The following XYLT1 variants were observed in gnomAD, a reference collection of about 807,000 sequenced individuals.
XYLT1 encodes beta-D-xylosyltransferase 1.
A neutral mutation model predicts 91.3 loss-of-function variants in XYLT1; 36 were observed. The observed-to-expected ratio is 0.39, with a 90% CI of 0.30 to 0.52. The LOEUF (loss-of-function observed/expected upper bound fraction) is 0.52. Among genes scored for constraint, XYLT1 ranks in the 20% least tolerant of loss-of-function variants. The probability of loss-of-function intolerance (pLI) is 0.68; values close to 1 mark genes in which losing one functional copy is unlikely to be tolerated. For missense variants in XYLT1, 1,242 were observed against 1,284.5 expected, an observed-to-expected ratio of 0.97 and a Z score of 0.51; for synonymous variants, 588 against 532.0, an observed-to-expected ratio of 1.11 and a Z score of -1.45.
chr16:17,132,035 C>A (rs569686019), intron 9 of XYLT1, among the ~76,000 whole-genome samples: 2 of 152,320 alleles, frequency 1.3e-5, no homozygotes. Flanking sequence ...TAGGGAGCAA[C>A]CTTCAACAAC....
intron 9 of XYLT1, 114 bp from the exon 10 acceptor site, chr16:17,127,975 T>G: frequency 1.1e-6 from 1 of 918,874 alleles, no homozygotes; most frequent in Admixed American, 2.8e-5. Context: ...GCACAATGCC[T>G]ACTGTTTTCC....
chr16:17,330,615 C>T (rs909853787), intron 2 of XYLT1, among the ~76,000 whole-genome samples: 2 of 150,670 alleles, frequency 1.3e-5, no homozygotes, highest in Admixed American at 6.6e-5. Flanking sequence ...GGCAAAACCC[C>T]GTCTCTACTA....
chr16:17,450,362 C>CAAAAA (rs1195577105), intron 1 of XYLT1, among the ~76,000 whole-genome samples: 2,908 of 145,384 alleles, frequency 0.02, 46 homozygotes, highest in Non-Finnish European at 0.028. Context: ...AACAAACAAA[C>CAAAAA]AAAAAAAAAA....
intron 1 of XYLT1, among the ~76,000 whole-genome samples, chr16:17,469,398 T>C (rs1377748960): frequency 6.6e-6 from 1 of 152,174 alleles, no homozygotes; most frequent in Non-Finnish European, 1.5e-5. Context: ...AAGGCAGAAC[T>C]CACGCCCCTG....
intron 2 of XYLT1, among the ~76,000 whole-genome samples, chr16:17,347,737 G>A (rs762243755): frequency 1.4e-4 from 22 of 152,190 alleles, no homozygotes; most frequent in Non-Finnish European, 3.1e-4. Context: ...CCAGCGAGGC[G>A]GGGGCCCGGT....
rs537364724 is a variant in XYLT1, at chr16:17,442,875, T to C, written c.363+27559A>G. On this transcript the variant is annotated intron_variant, in intron 1 of 11. Coordinates refer to ENST00000261381, the MANE Select transcript of XYLT1 (RefSeq NM_022166.4). ...CAAAACTAAACTGAGAGTGGCAATA[T>C]AGGGGATTTGGATTTTCTTCTTCAC... is the stretch of plus-strand genomic sequence containing the variant. Among the ~76,000 whole-genome samples, 26 of 152,240 alleles carry C rather than the reference T, an allele frequency of 1.7e-4. No individual in the cohort carries two copies. In the East Asian group the frequency reaches 4.6e-3, roughly 27 times the overall value.
chr16:17,452,601 T>C (rs375751691), intron 1 of XYLT1, among the ~76,000 whole-genome samples: 4 of 152,212 alleles, frequency 2.6e-5, no homozygotes, highest in Admixed American at 6.5e-5. Flanking sequence ...CTAATCAATA[T>C]ATAATCTGAA....
chr16:17,336,240 C>G (rs1212002218), intron 2 of XYLT1, among the ~76,000 whole-genome samples: 1 of 152,210 alleles, frequency 6.6e-6, no homozygotes. Context: ...ACTTTCAAAG[C>G]AAGGTCTGCA....
rs113429158 is a variant in XYLT1, at chr16:17,158,441, G to C, written c.1370+388C>G. On this transcript the variant is annotated intron_variant, in intron 6 of 11. Transcript: ENST00000261381. ...ACTGGCACACGCCCATGCTTGTTAA[G>C]TATTTGAATGAGTGGCTGACTGAAT... Among the ~76,000 whole-genome samples the C allele has an allele frequency of 2.7e-3, 408 of 152,356 alleles. 5 individuals carry two copies. Among genetic ancestry groups the C allele is most frequent in the African/African-American group, 9.6e-3 (398 of 41,576 alleles).
chr16:17,386,655 T>C (rs1165133561), intron 1 of XYLT1, among the ~76,000 whole-genome samples: 4 of 152,200 alleles, frequency 2.6e-5, no homozygotes, highest in African/African-American at 7.2e-5. Context: ...TGCATGTCAA[T>C]TGCATCCAAG....
chr16:17,244,181 G>A (rs2033396926), intron 3 of XYLT1, among the ~76,000 whole-genome samples: 1 of 152,248 alleles, frequency 6.6e-6, no homozygotes, highest in Admixed American at 6.5e-5. Context: ...TTCTCAAAGT[G>A]TAGTTCTGGA....
chr16:17,416,415 T>C (rs940912642), intron 1 of XYLT1, among the ~76,000 whole-genome samples: 7 of 152,204 alleles, frequency 4.6e-5, no homozygotes, highest in African/African-American at 1.4e-4. Flanking sequence ...CTCAGCAGAC[T>C]GCGAGCTCCC....
At chr16:17,387,303 G>A (rs112789100) in intron 1 of XYLT1, among the ~76,000 whole-genome samples, 1 of 152,174 alleles carries the variant, frequency 6.6e-6, no homozygotes, top group Non-Finnish European at 1.5e-5. Flanking sequence ...AACAACTGTT[G>A]CAGGGTCTCT....
At chr16:17,138,134 T>G in intron 8 of XYLT1, 2 of 449,476 alleles carry the variant, frequency 4.4e-6, no homozygotes. Context: ...GAAAGGTCAT[T>G]TGTTGTTTTT....
intron 1 of XYLT1, among the ~76,000 whole-genome samples, chr16:17,462,138 C>T (rs1471564099): frequency 2.0e-5 from 3 of 152,182 alleles, no homozygotes; most frequent in African/African-American, 7.2e-5. Context: ...ATGCCTCTTA[C>T]CACATTACCT....
chr16:17,107,274 C>T lies in XYLT1; in HGVS notation c.*1421G>A, dbSNP rs756607627. 6.6e-6 allele frequency: 1 copy of T among 152,078 alleles called. No homozygotes were observed. The highest frequency in any genetic ancestry group is 1.5e-5 in the Non-Finnish European group (1 of 68,026). The allele number at this position is 152,078 out of a possible 1,614,324, so 9.4% of individuals were successfully genotyped here. A position where few individuals can be genotyped will look rare whatever the true frequency, so the allele number is the denominator to read the frequency against. ...CGCTGGAGAGAAGTGTCAGGACTGG[C>T]TCTCCATGGGAAGGGCAGATGGCTA... On this transcript the variant is annotated 3_prime_UTR_variant, in exon 12 of 12. Coordinates refer to ENST00000261381, the MANE Select transcript of XYLT1 (RefSeq NM_022166.4).
intron 2 of XYLT1, among the ~76,000 whole-genome samples, chr16:17,302,937 G>A (rs930290363): frequency 2.0e-5 from 3 of 152,000 alleles, no homozygotes; most frequent in Non-Finnish European, 4.4e-5. Flanking sequence ...GCTAGCAAGT[G>A]AGCACACATG....
At chr16:17,273,220 C>T (rs56195113) in intron 2 of XYLT1, among the ~76,000 whole-genome samples, 2,933 of 149,670 alleles carry the variant, frequency 0.02, 49 homozygotes, top group Non-Finnish European at 0.03. Context: ...CTGTTTCACT[C>T]AAGAAGAGAT....
intron 2 of XYLT1, among the ~76,000 whole-genome samples, chr16:17,275,329 T>C (rs750237623): frequency 4.6e-5 from 7 of 152,304 alleles, no homozygotes; most frequent in Admixed American, 2.6e-4. Context: ...TAAACTTACA[T>C]TGTTACTCCT....
Sources: allele counts gnomAD v4.1 joint callset (sites outside exome capture counted in the v4.1 genomes callset), GRCh38; gene constraint gnomAD v4.1.1; transcripts MANE v1.5; gene names NCBI Gene and HGNC (gene_info 2026-07-23, HGNC 2026-07-21).